The following TNFAIP8 variants were observed in gnomAD, a reference collection of about 807,000 sequenced individuals.
The protein encoded by TNFAIP8 is tumor necrosis factor alpha-induced protein 8.
Under a neutral mutation model 13.3 loss-of-function variants are expected in TNFAIP8, and 7 were observed. The observed-to-expected ratio is 0.52, with a 90% CI of 0.30 to 0.99. The LOEUF (loss-of-function observed/expected upper bound fraction) is 0.99. TNFAIP8 is among the 50% of genes least tolerant of loss of function. TNFAIP8 has a pLI of 0.07. For synonymous variants in TNFAIP8, 94 were observed against 87.6 expected (o/e 1.07, Z -0.41); for missense variants, 258 against 236.9 (o/e 1.09, Z -0.58).
chr5:119,380,697 C>T (rs1650075593), intron 1 of TNFAIP8, among the ~76,000 whole-genome samples: 1 of 152,128 alleles, frequency 6.6e-6, no homozygotes, highest in Non-Finnish European at 1.5e-5. Context: ...TTTGTATAAA[C>T]AATTGTAGGA....
At chr5:119,381,749 A>AGACG (rs1250947097) in intron 1 of TNFAIP8, among the ~76,000 whole-genome samples, 1 of 151,940 alleles carries the variant, frequency 6.6e-6, no homozygotes, top group Non-Finnish European at 1.5e-5. Flanking sequence ...AGTGGCCAAT[A>AGACG]TGGTGAAACC....
chr5:119,270,445 A>G (rs1313181373), intron 1 of TNFAIP8, among the ~76,000 whole-genome samples: 1 of 152,220 alleles, frequency 6.6e-6, no homozygotes, highest in Non-Finnish European at 1.5e-5. Flanking sequence ...TGTTGTTTTT[A>G]GAGACAGGGT....
chr5:119,290,551 A>G (rs752206965), intron 1 of TNFAIP8, among the ~76,000 whole-genome samples: 5 of 152,228 alleles, frequency 3.3e-5, no homozygotes, highest in South Asian at 2.1e-4. Flanking sequence ...GATGTCTCCT[A>G]TGATCAAGCT....
At chr5:119,359,013 A>G (rs183891688) in intron 1 of TNFAIP8, among the ~76,000 whole-genome samples, 1 of 152,178 alleles carries the variant, frequency 6.6e-6, no homozygotes, top group Admixed American at 6.5e-5. Context: ...CAGGCCTGCT[A>G]TTTCACAAAG....
intron 1 of TNFAIP8, among the ~76,000 whole-genome samples, chr5:119,368,375 T>A (rs965522233): frequency 4.2e-4 from 60 of 143,866 alleles, no homozygotes; most frequent in African/African-American, 1.5e-3. Flanking sequence ...TCCTGTCTGT[T>A]AAAAAAAAAA....
chr5:119,283,287 G>C (rs1258491083), intron 1 of TNFAIP8, among the ~76,000 whole-genome samples: 1 of 152,160 alleles, frequency 6.6e-6, no homozygotes, highest in Non-Finnish European at 1.5e-5. Context: ...ACAATCTTAT[G>C]ACACTTAGCT....
intron 1 of TNFAIP8, among the ~76,000 whole-genome samples, chr5:119,285,039 T>C (rs1337851590): frequency 1.3e-5 from 2 of 152,188 alleles, no homozygotes; most frequent in Non-Finnish European, 2.9e-5. Flanking sequence ...AAAGCATCAT[T>C]TATACCCAGA....
chr5:119,372,136 CAAA>C (rs762344189), intron 1 of TNFAIP8, among the ~76,000 whole-genome samples: 1 of 126,342 alleles, frequency 7.9e-6, no homozygotes, highest in Non-Finnish European at 1.7e-5. Flanking sequence ...GACTCCATCT[CAAA>C]AAAAAAAAAA....
At chr5:119,312,592 T>C (rs901210882) in intron 1 of TNFAIP8, among the ~76,000 whole-genome samples, 2 of 151,374 alleles carry the variant, frequency 1.3e-5, no homozygotes, top group Non-Finnish European at 2.9e-5. Flanking sequence ...AGTGTGAACT[T>C]GTAAAGTTTA....
In TNFAIP8 at chr5:119,326,042, A is replaced by T. The variant is rs28583982; in HGVS notation, c.1+57135A>T. ...GTCTGCTGCCGCTTTTTCCCACTGA[A>T]TGTCAGTTTTGTAACACAGGCAACC... On this transcript the variant is annotated intron_variant, in intron 1 of 1. Transcript: ENST00000274456. Among the ~76,000 whole-genome samples, 1,269 of 152,118 alleles carry T rather than the reference A, an allele frequency of 8.3e-3. 14 individuals carry two copies. Among genetic ancestry groups the T allele is most frequent in the African/African-American group, 0.028 (1,181 of 41,478 alleles).
intron 1 of TNFAIP8, among the ~76,000 whole-genome samples, chr5:119,308,996 T>C (rs1003681005): frequency 2.0e-5 from 3 of 152,236 alleles, no homozygotes; most frequent in Non-Finnish European, 4.4e-5. Context: ...CAGTTGTGCA[T>C]GTATGTGATA....
chr5:119,278,700 C>T (rs1748540497), intron 1 of TNFAIP8, among the ~76,000 whole-genome samples: 1 of 152,120 alleles, frequency 6.6e-6, no homozygotes, highest in East Asian at 1.9e-4. Flanking sequence ...AGGCCAGTTA[C>T]AGCCATCAGT....
chr5:119,308,784 C>T (rs1437799928), intron 1 of TNFAIP8, among the ~76,000 whole-genome samples: 1 of 151,048 alleles, frequency 6.6e-6, no homozygotes, highest in Non-Finnish European at 1.5e-5. Context: ...ATCTTTTGAA[C>T]CCAGGTGGCA....
At chr5:119,389,410 CAG>C (rs147779273) in intron 1 of TNFAIP8, among the ~76,000 whole-genome samples, 59,543 of 151,748 alleles carry the variant, frequency 0.39, 11,777 homozygotes, top group South Asian at 0.52. Context: ...TGAGATCACA[CAG>C]GGGTGAGGAT....
rs565256427 is a variant in TNFAIP8, at chr5:119,386,136, A to T, written c.32-6680A>T. ...TAAAGGTTCATACTGCAGTCTTTTT[A>T]AAAAAAATGTTTTCGGTGGAAAACA... On this transcript the variant is annotated intron_variant, in intron 1 of 1. Transcript: ENST00000504771. 3.4e-4 allele frequency among the ~76,000 whole-genome samples: 51 copies of T among 152,156 alleles called. 1 individual carries two copies. Among genetic ancestry groups the T allele is most frequent in the East Asian group, 1.7e-3 (9 of 5,194 alleles).
chr5:119,362,258 G>T (rs1282123142), intron 1 of TNFAIP8, among the ~76,000 whole-genome samples: 1 of 152,194 alleles, frequency 6.6e-6, no homozygotes, highest in Non-Finnish European at 1.5e-5. Context: ...TATGCTGTGT[G>T]CTGGGATCAG....
chr5:119,390,069 G>A (rs1752836791), intron 1 of TNFAIP8, among the ~76,000 whole-genome samples: 1 of 152,040 alleles, frequency 6.6e-6, no homozygotes, highest in African/African-American at 2.4e-5. Flanking sequence ...GTCCAGTCTT[G>A]GATAAAGGAG....
chr5:119,285,808 A>G (rs1405208090), intron 1 of TNFAIP8, among the ~76,000 whole-genome samples: 1 of 152,208 alleles, frequency 6.6e-6, no homozygotes, highest in African/African-American at 2.4e-5. Context: ...TACATACATG[A>G]GGGTGCTTCC....
intron 1 of TNFAIP8, among the ~76,000 whole-genome samples, chr5:119,371,433 A>G (rs1394049606): frequency 6.6e-6 from 1 of 152,230 alleles, no homozygotes; most frequent in Non-Finnish European, 1.5e-5. Flanking sequence ...ATGTGATAGA[A>G]AAAGACCTTC....
Sources: gnomAD v4.1 joint callset for allele counts (sites outside exome capture counted in the v4.1 genomes callset) on GRCh38, gnomAD v4.1.1 for gene constraint, MANE v1.5 for transcripts, NCBI Gene and HGNC (gene_info 2026-07-23, HGNC 2026-07-21) for gene names.